NKAIN2: variants seen among roughly 807,000 people sequenced by gnomAD.
NKAIN2 encodes sodium/potassium-transporting ATPase subunit beta-1-interacting protein 2.
A neutral mutation model predicts 32.6 loss-of-function variants in NKAIN2; 14 were observed. That is an observed-to-expected ratio of 0.43 (90% confidence interval 0.28 to 0.67). NKAIN2 has a LOEUF of 0.67. Among genes scored for constraint, NKAIN2 ranks in the 30% least tolerant of loss-of-function variants. NKAIN2 has a pLI of 0.17. For missense variants in NKAIN2, 198 were observed against 258.3 expected (o/e 0.77, Z 1.60); for synonymous variants, 80 against 87.2 (o/e 0.92, Z 0.46).
chr6:124,658,821 CCTT>C (rs1037415376), intron 4 of NKAIN2: 5 of 210,450 alleles, frequency 2.4e-5, no homozygotes, highest in African/African-American at 6.9e-5. Flanking sequence ...TGCCCTATCT[CCTT>C]CTTCCTTCCT....
intron 3 of NKAIN2, among the ~76,000 whole-genome samples, chr6:124,582,983 GAC>G (rs1390428683): frequency 6.6e-6 from 1 of 151,914 alleles, no homozygotes; most frequent in Admixed American, 6.6e-5. Flanking sequence ...CACACTAAAA[GAC>G]ATATACAAAA....
chr6:124,590,942 C>A (rs1321494697), intron 3 of NKAIN2, among the ~76,000 whole-genome samples: 1 of 152,138 alleles, frequency 6.6e-6, no homozygotes, highest in Non-Finnish European at 1.5e-5. Context: ...TCAAGGGGTA[C>A]ATGATGTTTG....
chr6:124,250,367 G>T (rs1035230220), intron 1 of NKAIN2, among the ~76,000 whole-genome samples: 1 of 151,808 alleles, frequency 6.6e-6, no homozygotes, highest in African/African-American at 2.4e-5. Context: ...ATTCAAAGGA[G>T]AATAAATTAA....
chr6:124,497,107 C>A (rs1778092216), intron 3 of NKAIN2, among the ~76,000 whole-genome samples: 1 of 152,200 alleles, frequency 6.6e-6, no homozygotes, highest in African/African-American at 2.4e-5. Flanking sequence ...TTGAAGGCAA[C>A]AAGTTACTTG....
chr6:124,537,547 A>G (rs1779761544), intron 3 of NKAIN2, among the ~76,000 whole-genome samples: 1 of 152,096 alleles, frequency 6.6e-6, no homozygotes, highest in Admixed American at 6.6e-5. Context: ...GTATATATCT[A>G]TGTCTATCTC....
chr6:123,953,740 A>T (rs1449802583), intron 1 of NKAIN2, among the ~76,000 whole-genome samples: 1 of 152,114 alleles, frequency 6.6e-6, no homozygotes, highest in Non-Finnish European at 1.5e-5. Flanking sequence ...GTCAGGTCCC[A>T]TGGTGGTGCT....
rs199706722 is a variant in NKAIN2, at chr6:124,670,656, T to TGC, written c.474+12271_474+12272insCG. On this transcript the variant is annotated intron_variant, in intron 4 of 6. Transcript: ENST00000368417. ...TTAATCTTTGCTTTCTGTGTGTGTG[T>TGC]GTGTGTGTGTGTGTGTGTGTGTGTT... is the stretch of plus-strand genomic sequence containing the variant. 7.9e-5 allele frequency among the ~76,000 whole-genome samples: 12 copies of TGC among 151,520 alleles called. No homozygotes were observed. In the East Asian group the frequency reaches 1.4e-3, roughly 17 times the overall value.
At chr6:124,343,661 C>T (rs951008556) in intron 2 of NKAIN2, among the ~76,000 whole-genome samples, 4 of 149,144 alleles carry the variant, frequency 2.7e-5, no homozygotes, top group Non-Finnish European at 6.0e-5. Flanking sequence ...ATCCTTCGCC[C>T]ACTTTTTGAT....
chr6:124,595,502 C>G (rs1210208675), intron 3 of NKAIN2, among the ~76,000 whole-genome samples: 1 of 152,192 alleles, frequency 6.6e-6, no homozygotes, highest in Non-Finnish European at 1.5e-5. Flanking sequence ...ACTTGAAGAT[C>G]TGGATTTGAA....
chr6:123,854,858 G>A (rs1019146572), intron 1 of NKAIN2, among the ~76,000 whole-genome samples: 6 of 152,182 alleles, frequency 3.9e-5, no homozygotes, highest in Admixed American at 3.3e-4. Flanking sequence ...GCTGAACACT[G>A]AGGTGGATCT....
chr6:124,055,268 A>G (rs1782592516), intron 1 of NKAIN2, among the ~76,000 whole-genome samples: 1 of 152,038 alleles, frequency 6.6e-6, no homozygotes, highest in African/African-American at 2.4e-5. Flanking sequence ...GCAGCATAAA[A>G]CGAATGCATA....
chr6:124,800,462 A>C (rs1316237148), intron 5 of NKAIN2, among the ~76,000 whole-genome samples: 3 of 152,206 alleles, frequency 2.0e-5, no homozygotes, highest in African/African-American at 7.2e-5. Flanking sequence ...GGCCTCCGCT[A>C]TGACTGGTTG....
chr6:124,177,360 G>T (rs572438703), intron 1 of NKAIN2, among the ~76,000 whole-genome samples: 1 of 152,244 alleles, frequency 6.6e-6, no homozygotes, highest in South Asian at 2.1e-4. Context: ...GAGGGTGGCA[G>T]CTTCTTAGCA....
intron 4 of NKAIN2, among the ~76,000 whole-genome samples, chr6:124,683,253 A>G (rs953896449): frequency 2.0e-5 from 3 of 152,192 alleles, no homozygotes; most frequent in African/African-American, 7.2e-5. Context: ...TTTAAATGTA[A>G]CCATGGAGAG....
At chr6:124,134,926 A>G (rs1786659861) in intron 1 of NKAIN2, among the ~76,000 whole-genome samples, 1 of 152,204 alleles carries the variant, frequency 6.6e-6, no homozygotes, top group Non-Finnish European at 1.5e-5. Context: ...AGGAAACCCT[A>G]TCAGATTAAC....
At chr6:123,903,698 G>T (rs1201223080) in intron 1 of NKAIN2, among the ~76,000 whole-genome samples, 2 of 152,112 alleles carry the variant, frequency 1.3e-5, no homozygotes, top group Non-Finnish European at 2.9e-5. Flanking sequence ...GGATTTGTAA[G>T]GTAGACCTAA....
chr6:124,008,261 A>C (rs1274501575), intron 1 of NKAIN2, among the ~76,000 whole-genome samples: 2 of 152,190 alleles, frequency 1.3e-5, no homozygotes, highest in African/African-American at 4.8e-5. Flanking sequence ...CCAGGGAAAA[A>C]TATATTTACA....
intron 3 of NKAIN2, among the ~76,000 whole-genome samples, chr6:124,584,825 G>A (rs939951266): frequency 6.7e-6 from 1 of 149,794 alleles, no homozygotes; most frequent in Non-Finnish European, 1.5e-5. Context: ...TGATTATGTG[G>A]AGAAAGGTGA....
At chr6:123,941,590 G>A (rs562342218) in intron 1 of NKAIN2, among the ~76,000 whole-genome samples, 44 of 151,756 alleles carry the variant, frequency 2.9e-4, no homozygotes, top group African/African-American at 9.7e-4. Context: ...TATGGTGCAC[G>A]ACTATGTATA....
Sources: allele counts gnomAD v4.1 joint callset (sites outside exome capture counted in the v4.1 genomes callset), GRCh38; gene constraint gnomAD v4.1.1; transcripts MANE v1.5; gene names NCBI Gene and HGNC (gene_info 2026-07-23, HGNC 2026-07-21).